The following TNIK variants were observed in gnomAD, a reference collection of about 807,000 sequenced individuals.
TNIK encodes TRAF2 and NCK-interacting protein kinase.
In TNIK, 49 loss-of-function variants were observed where a neutral mutation model predicts 191.3. The observed-to-expected ratio is 0.26, with a 90% CI of 0.20 to 0.32. TNIK has a LOEUF of 0.32. Ranked by LOEUF, TNIK falls within the 10% of genes least tolerant of loss-of-function variation. The probability of loss-of-function intolerance (pLI) is 1.00; values close to 1 mark genes in which losing one functional copy is unlikely to be tolerated. For missense variants in TNIK, 1,155 were observed against 1,702.3 expected, an observed-to-expected ratio of 0.68 and a Z score of 5.66; for synonymous variants, 594 against 600.9, an observed-to-expected ratio of 0.99 and a Z score of 0.17.
intron 1 of TNIK, among the ~76,000 whole-genome samples, chr3:171,380,752 G>T (rs1226183277): frequency 1.3e-5 from 2 of 152,258 alleles, no homozygotes; most frequent in African/African-American, 4.8e-5. Context: ...TGTGCACACT[G>T]AAAGGGGCAG....
intron 2 of TNIK, among the ~76,000 whole-genome samples, chr3:171,275,243 G>C (rs991859129): frequency 6.6e-6 from 1 of 152,158 alleles, no homozygotes; most frequent in South Asian, 2.1e-4. Flanking sequence ...CCCACATAGA[G>C]AGTCACAAGG....
chr3:171,323,740 A>T (rs779277708), intron 2 of TNIK, among the ~76,000 whole-genome samples: 1 of 152,220 alleles, frequency 6.6e-6, no homozygotes. Flanking sequence ...GATACTGCAC[A>T]GGAATCCAAG....
At position 171,312,141 on chromosome 3, in the gene TNIK, AGG is replaced by A. The variant is rs1328733045; in HGVS notation, c.123+57477_123+57478del. Among the ~76,000 whole-genome samples the A allele has an allele frequency of 3.0e-4, 34 of 113,872 alleles. 9 individuals are homozygous for A. The highest frequency in any genetic ancestry group is 3.8e-4 in the Non-Finnish European group (20 of 53,312). 74.7% of individuals were successfully genotyped at this position (113,872 alleles called of 152,430 possible). A position where few individuals can be genotyped will look rare whatever the true frequency, so the allele number is the denominator to read the frequency against. ...AAAAAAAAAAAAAAAAAAAAAAAAA[AGG>A]GCTAGACTGGCATATCTGATTTTAA... On this transcript the variant is annotated intron_variant, in intron 2 of 32. Transcript: ENST00000436636.
intron 2 of TNIK, among the ~76,000 whole-genome samples, chr3:171,283,159 T>TA (rs1750655037): frequency 7.4e-6 from 1 of 135,562 alleles, no homozygotes. Flanking sequence ...TATACCTACT[T>TA]TAAAAAAAAA....
intron 18 of TNIK, among the ~76,000 whole-genome samples, chr3:171,111,651 C>T (rs528720028): frequency 3.3e-5 from 5 of 152,158 alleles, no homozygotes; most frequent in Admixed American, 6.5e-5. Context: ...CCAGAGATTC[C>T]ACTTCTGGAT....
intron 2 of TNIK, among the ~76,000 whole-genome samples, chr3:171,350,371 G>A (rs1712945121): frequency 6.6e-6 from 1 of 151,646 alleles, no homozygotes; most frequent in African/African-American, 2.4e-5. Flanking sequence ...GGATTCTGAG[G>A]TGTTTCTAGA....
intron 10 of TNIK, among the ~76,000 whole-genome samples, chr3:171,163,433 A>G (rs1734248746): frequency 1.3e-5 from 2 of 152,336 alleles, no homozygotes; most frequent in South Asian, 4.1e-4. Context: ...TTTGATAAAC[A>G]TGCCTTGCTT....
At position 171,097,342 on chromosome 3, in the gene TNIK, T is replaced by C. The variant is rs149342104; in HGVS notation, c.2592-3374A>G. Among the ~76,000 whole-genome samples the C allele has an allele frequency of 9.2e-5, 14 of 152,336 alleles. No individual in the cohort carries two copies. In the East Asian group the frequency reaches 2.7e-3, roughly 29 times the overall value. On this transcript the variant is annotated intron_variant, in intron 22 of 32. Transcript: ENST00000436636. ...ACAGTGTACATTCTAGTTGAGAAAGTTGTTTCCCATGAGGTTACAGGTTAA... is the reference window on the plus strand; with the variant it reads ...ACAGTGTACATTCTAGTTGAGAAAGCTGTTTCCCATGAGGTTACAGGTTAA...
At chr3:171,142,104 A>G (rs13315469) in intron 12 of TNIK, among the ~76,000 whole-genome samples, 49,826 of 152,058 alleles carry the variant, frequency 0.33, 8,736 homozygotes, top group East Asian at 0.44. Flanking sequence ...CTTGGGAGAT[A>G]AGCTGCGTCT....
chr3:171,126,027 A>G lies in TNIK; in HGVS notation c.1898T>C (p.Val633Ala). 1 of 1,613,896 alleles carries G rather than the reference A, an allele frequency of 6.2e-7. No homozygotes were observed. Among genetic ancestry groups the G allele is most frequent in the African/African-American group, 1.3e-5 (1 of 75,010 alleles). The change falls in exon 17 of 33, where the codon GTG (valine) becomes GCG (alanine). Residue 633 changes from valine (V) to alanine (A), a missense_variant. This residue lies in a region of TNIK where 735 missense variants were observed against 848.0 expected (regional missense o/e 0.87). Coordinates refer to ENST00000436636, the MANE Select transcript of TNIK (RefSeq NM_015028.4). ...ATCTGAGTTCTGGCGTGGCATCTCC[A>G]CGCGGTGGGAGGTCACGTTCAGAGC... Reference protein sequence around the residue: ...QEALNVTSHRVEMPRQNSDPT... With the variant: ...QEALNVTSHRAEMPRQNSDPT...
chr3:171,288,993 C>G (rs114799531), intron 2 of TNIK, among the ~76,000 whole-genome samples: 3,106 of 151,966 alleles, frequency 0.02, 108 homozygotes, highest in African/African-American at 0.072. Context: ...AAGAATTTGA[C>G]CTGCAGGGAC....
intron 9 of TNIK, among the ~76,000 whole-genome samples, chr3:171,173,428 A>G (rs1735590244): frequency 6.6e-6 from 1 of 151,810 alleles, no homozygotes. Flanking sequence ...AAAGAAAAGA[A>G]AACAGGAGAT....
chr3:171,232,457 T>C (rs1292936083), intron 2 of TNIK, among the ~76,000 whole-genome samples: 1 of 152,144 alleles, frequency 6.6e-6, no homozygotes, highest in Non-Finnish European at 1.5e-5. Flanking sequence ...AGAGAAAATG[T>C]CCTATCAGAT....
At chr3:171,262,198 ACTGT>A (rs1747726782) in intron 2 of TNIK, among the ~76,000 whole-genome samples, 2 of 152,006 alleles carry the variant, frequency 1.3e-5, no homozygotes, top group South Asian at 2.1e-4. Context: ...GTTTAGAAAA[ACTGT>A]CTGCTCAGTT....
At chr3:171,161,856 C>G (rs1577006198) in intron 10 of TNIK, among the ~76,000 whole-genome samples, 1 of 151,946 alleles carries the variant, frequency 6.6e-6, no homozygotes, top group East Asian at 1.9e-4. Context: ...GGAGGGGGAG[C>G]TTGTAGTGAG....
intron 6 of TNIK, 68 bp from the exon 7 acceptor site, chr3:171,188,900 G>A (rs1359871495): frequency 6.5e-7 from 1 of 1,541,192 alleles, no homozygotes; most frequent in Non-Finnish European, 8.9e-7. Flanking sequence ...AAATGAATGT[G>A]AATTATTTTA....
chr3:171,282,599 C>T (rs1750594608), intron 2 of TNIK, among the ~76,000 whole-genome samples: 2 of 152,134 alleles, frequency 1.3e-5, no homozygotes, highest in African/African-American at 4.8e-5. Context: ...CTGCCTCGGC[C>T]TCCCAAAGTG....
intron 2 of TNIK, among the ~76,000 whole-genome samples, chr3:171,319,864 T>C (rs1054166967): frequency 6.6e-6 from 1 of 152,130 alleles, no homozygotes; most frequent in African/African-American, 2.4e-5. Flanking sequence ...TCCAGAAGCA[T>C]TCATCTGAGA....
chr3:171,439,028 C>A (rs765039447), intron 1 of TNIK, among the ~76,000 whole-genome samples: 21 of 152,276 alleles, frequency 1.4e-4, no homozygotes, highest in African/African-American at 4.1e-4. Context: ...GCAGCAATAG[C>A]ACAATGCTTA....
Sources: gnomAD v4.1 joint callset for allele counts (sites outside exome capture counted in the v4.1 genomes callset) on GRCh38, gnomAD v4.1.1 for gene constraint, gnomAD v4.1.1 regional missense constraint, MANE v1.5 for transcripts, NCBI Gene and HGNC (gene_info 2026-07-23, HGNC 2026-07-21) for gene names.